Variants in AGPS observed in about 807,000 individuals in gnomAD.
AGPS encodes the protein alkylglycerone phosphate synthase.
AGPS carries 26 observed loss-of-function variants against 90.7 expected under a neutral mutation model. The ratio of observed to expected loss-of-function variants is 0.29; its 90% CI spans 0.21 to 0.40. The LOEUF (loss-of-function observed/expected upper bound fraction) is 0.40, where lower values mean the gene tolerates loss of function less well. Ranked by LOEUF, AGPS falls within the 10% of genes least tolerant of loss-of-function variation. The pLI, the probability that AGPS is intolerant of heterozygous loss-of-function variation, is 1.00. For missense variants in AGPS, 540 were observed against 816.1 expected (o/e 0.66, Z 4.12); for synonymous variants, 294 against 285.3 (o/e 1.03, Z -0.31).
chr2:177,457,404 T>G (rs1687152472), intron 8 of AGPS, among the ~76,000 whole-genome samples: 1 of 152,082 alleles, frequency 6.6e-6, no homozygotes, highest in Non-Finnish European at 1.5e-5. Flanking sequence ...CCAGGAGCTG[T>G]TTTTTGAAAA....
intron 2 of AGPS, 126 bp downstream of exon 2, chr2:177,420,484 C>G: frequency 1.4e-6 from 1 of 723,916 alleles, no homozygotes; most frequent in Non-Finnish European, 2.4e-6. Context: ...TTTGCCATAA[C>G]TGCTTTTTGT....
chr2:177,505,669 T>A, intron 15 of AGPS, 94 bp downstream of exon 15: 4 of 1,159,610 alleles, frequency 3.4e-6, no homozygotes, highest in African/African-American at 1.5e-5. Flanking sequence ...CCCTATTTTT[T>A]AAAATTTTAA....
chr2:177,458,082 C>T (rs781163823), intron 8 of AGPS, among the ~76,000 whole-genome samples: 16 of 152,204 alleles, frequency 1.1e-4, no homozygotes, highest in Non-Finnish European at 2.2e-4. Flanking sequence ...GAACCAAGGA[C>T]ACAAACCACA....
chr2:177,538,081 G>A lies in AGPS; in HGVS notation c.1863G>A (p.Lys621=), dbSNP rs776547747. The part of the protein sequence containing the change: ...GSLSHHHGVG[K]LRKQWLKESI... The stretch of plus-strand genomic sequence containing the variant: ...TTGATTTTGTTTTTCCAGTGGGCAA[G>A]TTACGGAAGCAATGGCTAAAGGAAA... The change falls in exon 20 of 20, where the codon AAG becomes AAA. Residue 621 remains lysine, a synonymous_variant. Coordinates refer to ENST00000264167, the MANE Select transcript of AGPS (RefSeq NM_003659.4). The A allele has an allele frequency of 3.7e-6, 6 of 1,613,130 alleles. No homozygotes were observed. The East Asian group carries it at 1.1e-4, about 30-fold the overall frequency.
At chr2:177,457,615 C>G (rs919043695) in intron 8 of AGPS, among the ~76,000 whole-genome samples, 9 of 152,294 alleles carry the variant, frequency 5.9e-5, no homozygotes, top group African/African-American at 1.7e-4. Flanking sequence ...CACATACACC[C>G]TCCCAAGTCT....
At chr2:177,501,496 A>C (rs1182122392) in intron 14 of AGPS, among the ~76,000 whole-genome samples, 3 of 152,198 alleles carry the variant, frequency 2.0e-5, no homozygotes, top group Non-Finnish European at 4.4e-5. Flanking sequence ...CATTCTAGAT[A>C]CTTGATTTAA....
intron 1 of AGPS, among the ~76,000 whole-genome samples, chr2:177,405,584 T>C (rs1685443948): frequency 6.6e-6 from 1 of 152,204 alleles, no homozygotes; most frequent in South Asian, 2.1e-4. Context: ...AATAACCTAA[T>C]TATAAAACTT....
chr2:177,405,688 T>TC lies in AGPS; in HGVS notation c.260+12642dup, dbSNP rs1553505845. Among the ~76,000 whole-genome samples the TC allele has an allele frequency of 6.7e-4, 102 of 151,384 alleles. 1 individual carries two copies. Among genetic ancestry groups the TC allele is most frequent in the Middle Eastern group, 6.8e-3 (2 of 294 alleles). ...CTATTCTGTTGTTTTTTTTTTTTTTTCCCACCTTCCTGTCTTTCTGACCAT... is the reference window on the plus strand; with the variant it reads ...CTATTCTGTTGTTTTTTTTTTTTTTTCCCCACCTTCCTGTCTTTCTGACCAT... On this transcript the variant is annotated intron_variant, in intron 1 of 19. Transcript: ENST00000264167.
At chr2:177,455,788 T>C (rs1687093915) in intron 8 of AGPS, among the ~76,000 whole-genome samples, 1 of 152,136 alleles carries the variant, frequency 6.6e-6, no homozygotes, top group Non-Finnish European at 1.5e-5. Flanking sequence ...GTTTTTTTTT[T>C]TAGCAGCATA....
intron 19 of AGPS, among the ~76,000 whole-genome samples, chr2:177,536,918 C>T (rs1432898080): frequency 1.3e-5 from 2 of 152,082 alleles, no homozygotes; most frequent in Admixed American, 1.3e-4. Context: ...TATGATGTAT[C>T]ACTATAGCCT....
chr2:177,513,174 A>T (rs918919216), intron 16 of AGPS, among the ~76,000 whole-genome samples: 4 of 152,118 alleles, frequency 2.6e-5, no homozygotes, highest in African/African-American at 9.7e-5. Context: ...GGCTCACTGT[A>T]GTCCTGCCCT....
chr2:177,404,185 A>AT (rs1343782544), intron 1 of AGPS, among the ~76,000 whole-genome samples: 11 of 152,190 alleles, frequency 7.2e-5, no homozygotes, highest in Non-Finnish European at 1.5e-4. Flanking sequence ...ATAAAAGGAA[A>AT]TTAGATGTTC....
At chr2:177,497,612 T>C in intron 12 of AGPS, 77 bp from the exon 13 acceptor site, 6 of 723,046 alleles carry the variant, frequency 8.3e-6, no homozygotes, top group Non-Finnish European at 1.3e-5. Flanking sequence ...TCTTTTAGGA[T>C]TCTAAGTTGG....
At chr2:177,477,948 TAGA>T in intron 10 of AGPS, among the ~76,000 whole-genome samples, 1 of 152,322 alleles carries the variant, frequency 6.6e-6, no homozygotes. Flanking sequence ...TTACATAAAA[TAGA>T]AGAAGACTCA....
chr2:177,395,025 A>T (rs1214643285), intron 1 of AGPS, among the ~76,000 whole-genome samples: 1 of 152,172 alleles, frequency 6.6e-6, no homozygotes, highest in African/African-American at 2.4e-5. Context: ...GGGAGGAATA[A>T]AGGATTTCAT....
At chr2:177,448,351 T>C (rs561384603) in intron 8 of AGPS, among the ~76,000 whole-genome samples, 83 of 152,316 alleles carry the variant, frequency 5.4e-4, no homozygotes, top group African/African-American at 1.9e-3. Context: ...TGAGCACTAT[T>C]TGCTTCATTC....
chr2:177,520,550 A>G (rs1309077941), intron 17 of AGPS, among the ~76,000 whole-genome samples: 1 of 152,180 alleles, frequency 6.6e-6, no homozygotes, highest in Non-Finnish European at 1.5e-5. Flanking sequence ...TACAAAATGT[A>G]GTTTTCACTT....
chr2:177,447,699 C>G (rs977093236), intron 8 of AGPS, among the ~76,000 whole-genome samples: 2 of 151,420 alleles, frequency 1.3e-5, no homozygotes, highest in Non-Finnish European at 2.9e-5. Context: ...GATATTTTAC[C>G]TACTAGTTCA....
rs1574045046 is a variant in AGPS, at chr2:177,542,010, A to G, written c.*3815A>G. On this transcript the variant is annotated 3_prime_UTR_variant, in exon 20 of 20. Coordinates refer to ENST00000264167, the MANE Select transcript of AGPS (RefSeq NM_003659.4). ...TTGTAATGTCAAGAGATTATAGATC[A>G]TATTATTAATAAAATGGACCTGGGT... 1 of 148,186 alleles carries G rather than the reference A, an allele frequency of 6.7e-6. No homozygotes were observed. Among genetic ancestry groups the G allele is most frequent in the East Asian group, 2.0e-4 (1 of 4,940 alleles). 9.2% of individuals were successfully genotyped at this position (148,186 alleles called of 1,614,324 possible). A position where few individuals can be genotyped will look rare whatever the true frequency, so the allele number is the denominator to read the frequency against.
Sources: gnomAD v4.1 joint callset for allele counts (sites outside exome capture counted in the v4.1 genomes callset) on GRCh38, gnomAD v4.1.1 for gene constraint, MANE v1.5 for transcripts, NCBI Gene and HGNC (gene_info 2026-07-23, HGNC 2026-07-21) for gene names.